Variants in CTDP1 observed in about 807,000 individuals in gnomAD.
The protein encoded by CTDP1 is CTD phosphatase 1, also known as RNA polymerase II subunit A C-terminal domain phosphatase.
In CTDP1, 47 loss-of-function variants were observed where a neutral mutation model predicts 91.8. That is an observed-to-expected ratio of 0.51 (90% CI 0.41 to 0.65). CTDP1 has a LOEUF of 0.65. Ranked by LOEUF, CTDP1 falls within the 30% of genes least tolerant of loss-of-function variation. The pLI is 0.00. For missense variants in CTDP1, 1,272 were observed against 1,373.7 expected (o/e 0.93, Z 1.17); for synonymous variants, 656 against 598.5 (o/e 1.10, Z -1.40).
At chr18:79,677,591 T>TA, upstream of CTDP1, 1 of 152,404 alleles carries the variant, frequency 6.6e-6, no homozygotes, top group Non-Finnish European at 1.5e-5. Context: ...AGGCTAAACT[T>TA]ACAGTATGTA....
chr18:79,684,811 G>A (rs935688571), intron 1 of CTDP1, among the ~76,000 whole-genome samples: 1 of 152,202 alleles, frequency 6.6e-6, no homozygotes, highest in Non-Finnish European at 1.5e-5. Context: ...GTTTTTGTCG[G>A]GCTTCATCCT....
chr18:79,743,183 TTAC>T (rs1477264513), intron 12 of CTDP1, among the ~76,000 whole-genome samples: 6 of 152,154 alleles, frequency 3.9e-5, no homozygotes. Context: ...CTGTAAATAA[TTAC>T]AACGATGCAT....
chr18:79,686,262 A>G (rs867103751), intron 1 of CTDP1, among the ~76,000 whole-genome samples: 3 of 152,214 alleles, frequency 2.0e-5, no homozygotes, highest in Non-Finnish European at 4.4e-5. Flanking sequence ...AGTTAGTTTT[A>G]AAGTGGGTTA....
At position 79,710,424 on chromosome 18, in the gene CTDP1, C is replaced by T. The variant is rs1287682474; in HGVS notation, c.851C>T (p.Thr284Met). 5.6e-6 allele frequency: 9 copies of T among 1,613,298 alleles called. No individual in the cohort carries two copies. The highest frequency in any genetic ancestry group is 1.1e-5 in the South Asian group (1 of 91,050). The stretch of plus-strand genomic sequence containing the variant: ...GAATGTATTGACCCATTTTCTAAAA[C>T]GGGAAACCTTAGGTATGTACCCAGC... ...RDECIDPFSKTGNLRNLFPCG... is the reference protein window; with the variant it reads ...RDECIDPFSKMGNLRNLFPCG... The change falls in exon 6 of 13, where the codon ACG becomes ATG. Residue 284 changes from threonine to methionine, a missense_variant. Physicochemically the swap from Thr to Met is moderately conservative, Grantham distance 81. Transcript: ENST00000613122.
At chr18:79,717,732 TGTTG>T (rs1358401417) in intron 9 of CTDP1, 56 bp downstream of exon 9, 2 of 1,613,160 alleles carry the variant, frequency 1.2e-6, no homozygotes, top group Non-Finnish European at 1.7e-6. Context: ...GCTGGACAGC[TGTTG>T]GTTCATGCAC....
chr18:79,736,238 C>G (rs962097381), intron 11 of CTDP1, 117 bp from the exon 12 acceptor site: 9 of 1,331,732 alleles, frequency 6.8e-6, no homozygotes, highest in Non-Finnish European at 9.5e-6. Context: ...AAGCAGAGTG[C>G]TACCTCCAGC....
chr18:79,747,201 C>T (rs917957535), intron 12 of CTDP1, among the ~76,000 whole-genome samples: 7 of 152,230 alleles, frequency 4.6e-5, no homozygotes, highest in African/African-American at 1.7e-4. Flanking sequence ...GAGCCCCGGC[C>T]TGGCAGCAGG....
chr18:79,749,498 T>TTG (rs2086950362), intron 12 of CTDP1, among the ~76,000 whole-genome samples: 5 of 11,262 alleles, frequency 4.4e-4, no homozygotes, highest in Non-Finnish European at 2.1e-3. Context: ...ACTGTGAGGG[T>TTG]CGCGCCCCGT....
At chr18:79,737,983 C>T (rs2086699320) in intron 12 of CTDP1, among the ~76,000 whole-genome samples, 1 of 152,124 alleles carries the variant, frequency 6.6e-6, no homozygotes, top group African/African-American at 2.4e-5. Flanking sequence ...CTGGCTGCCT[C>T]TCCGCTCCAC....
chr18:79,710,927 G>A (rs576387066), intron 6 of CTDP1, among the ~76,000 whole-genome samples: 22 of 152,168 alleles, frequency 1.4e-4, no homozygotes, highest in Admixed American at 7.2e-4. Flanking sequence ...AGAATACTTA[G>A]AAAGTTCCTT....
chr18:79,717,406 G>A (rs1214949200), intron 8 of CTDP1, 129 bp from the exon 9 acceptor site: 29 of 1,329,512 alleles, frequency 2.2e-5, no homozygotes, highest in Non-Finnish European at 2.9e-5. Flanking sequence ...CTGGTGGGAT[G>A]CAGCCGAGTG....
intron 11 of CTDP1, chr18:79,736,081 A>G (rs1238210813): frequency 3.8e-6 from 2 of 529,980 alleles, no homozygotes; most frequent in South Asian, 4.6e-5. Flanking sequence ...CCAGGAATAA[A>G]GTCCCTGTTC....
intron 4 of CTDP1, among the ~76,000 whole-genome samples, chr18:79,701,533 A>T (rs28846490): frequency 1.2e-3 from 2 of 1,662 alleles, no homozygotes; most frequent in African/African-American, 2.7e-3. Context: ...AATAAATTAA[A>T]TAAATAAATA....
chr18:79,693,157 G>T (rs2085659013), intron 1 of CTDP1, among the ~76,000 whole-genome samples: 1 of 152,222 alleles, frequency 6.6e-6, no homozygotes, highest in Non-Finnish European at 1.5e-5. Flanking sequence ...GCAGGGAGCA[G>T]GTGTCCCTGA....
chr18:79,729,332 G>A (rs754471010), intron 11 of CTDP1, among the ~76,000 whole-genome samples: 5 of 152,184 alleles, frequency 3.3e-5, no homozygotes, highest in Non-Finnish European at 5.9e-5. Flanking sequence ...TCGTGCCTGC[G>A]TCTTCACCAG....
chr18:79,679,934 G>C lies in CTDP1; in HGVS notation c.-14G>C. 1 of 1,376,718 alleles carries C rather than the reference G, an allele frequency of 7.3e-7. No homozygotes were observed. Among genetic ancestry groups the C allele is most frequent in the Non-Finnish European group, 9.4e-7 (1 of 1,060,562 alleles). The allele number at this position is 1,376,718 out of a possible 1,614,324, so 85.3% of individuals were successfully genotyped here. On this transcript the variant is annotated 5_prime_UTR_variant, in exon 1 of 13. Coordinates refer to ENST00000613122, the MANE Select transcript of CTDP1 (RefSeq NM_004715.5). ...CAGGCCCCGTACCGACCGCCCGCCC[G>C]CCCTCTGTCCGCGATGGAGGTGCCG...
At chr18:79,680,520 T>A (rs1321041128) in intron 1 of CTDP1, among the ~76,000 whole-genome samples, 1 of 152,262 alleles carries the variant, frequency 6.6e-6, no homozygotes, top group East Asian at 1.9e-4. Context: ...TATGTTTGTT[T>A]CTTTCTTTCT....
At chr18:79,700,170 C>T (rs573672681) in intron 4 of CTDP1, among the ~76,000 whole-genome samples, 2 of 152,288 alleles carry the variant, frequency 1.3e-5, no homozygotes, top group Admixed American at 6.5e-5. Context: ...ATTAGGCCAG[C>T]GTAGTAACCC....
At chr18:79,753,115 A>G (rs966749965) in intron 12 of CTDP1, among the ~76,000 whole-genome samples, 2 of 150,984 alleles carry the variant, frequency 1.3e-5, no homozygotes, top group African/African-American at 4.9e-5. Flanking sequence ...AGGAAAGCCT[A>G]GTGGTACTGG....
Sources: allele counts gnomAD v4.1 joint callset (sites outside exome capture counted in the v4.1 genomes callset), GRCh38; gene constraint gnomAD v4.1.1; transcripts MANE v1.5; gene names NCBI Gene and HGNC (gene_info 2026-07-23, HGNC 2026-07-21).